SLC26A8: variants seen among roughly 807,000 people sequenced by gnomAD.
SLC26A8 encodes the protein testis anion transporter 1.
SLC26A8 carries 70 observed loss-of-function variants against 105.0 expected under a neutral mutation model. The observed-to-expected ratio is 0.67, with a 90% CI of 0.55 to 0.81. The LOEUF is 0.81. Among genes scored for constraint, SLC26A8 ranks in the 40% least tolerant of loss-of-function variants. The pLI is 0.00. For missense variants in SLC26A8, 998 were observed against 1,181.8 expected, an observed-to-expected ratio of 0.84 and a Z score of 2.28; for synonymous variants, 415 against 438.3, an observed-to-expected ratio of 0.95 and a Z score of 0.66.
At chr6:35,978,381 T>G (rs753099083) in intron 8 of SLC26A8, among the ~76,000 whole-genome samples, 6 of 152,088 alleles carry the variant, frequency 3.9e-5, no homozygotes, top group Non-Finnish European at 5.9e-5. Context: ...TATAGATCCA[T>G]ACTGGCATAA....
At chr6:35,974,377 C>A (rs1030110016) in intron 10 of SLC26A8, among the ~76,000 whole-genome samples, 3 of 152,116 alleles carry the variant, frequency 2.0e-5, no homozygotes, top group African/African-American at 7.2e-5. Flanking sequence ...AAATCTCATG[C>A]CTGCAATTAG....
intron 3 of SLC26A8, among the ~76,000 whole-genome samples, chr6:36,001,049 G>GT (rs1290884994): frequency 5.3e-5 from 8 of 152,126 alleles, no homozygotes. Flanking sequence ...TCCACTCAGT[G>GT]TTCAAATTTC....
intron 9 of SLC26A8, among the ~76,000 whole-genome samples, chr6:35,976,568 T>TTTTTTTTTTG (rs1773040839): frequency 6.7e-6 from 1 of 149,898 alleles, no homozygotes; most frequent in African/African-American, 2.5e-5. Context: ...TTTTTTTTTT[T>TTTTTTTTTTG]GAGATGGAGT....
intron 10 of SLC26A8, 108 bp downstream of exon 10, chr6:35,975,267 A>G: frequency 1.9e-6 from 1 of 532,354 alleles, no homozygotes; most frequent in Non-Finnish European, 3.2e-6. Flanking sequence ...TAAGCATAGC[A>G]TTAAAACAGC....
At chr6:35,971,194 C>T (rs972547268) in intron 10 of SLC26A8, among the ~76,000 whole-genome samples, 30 of 152,192 alleles carry the variant, frequency 2.0e-4, no homozygotes, top group African/African-American at 7.2e-4. Flanking sequence ...GATCAGAGGA[C>T]CATCTTCTGT....
chr6:35,965,571 A>G (rs1208362260), intron 11 of SLC26A8, among the ~76,000 whole-genome samples: 1 of 151,756 alleles, frequency 6.6e-6, no homozygotes, highest in Non-Finnish European at 1.5e-5. Flanking sequence ...AATCCCAGCT[A>G]CTTGGGAGGC....
At chr6:35,998,991 T>G (rs899568229) in intron 4 of SLC26A8, among the ~76,000 whole-genome samples, 1 of 151,868 alleles carries the variant, frequency 6.6e-6, no homozygotes, top group Non-Finnish European at 1.5e-5. Context: ...ACCTCCCGGG[T>G]TCAGGCAATT....
chr6:36,008,534 A>C (rs1444624054), intron 3 of SLC26A8, among the ~76,000 whole-genome samples: 1 of 152,188 alleles, frequency 6.6e-6, no homozygotes, highest in Non-Finnish European at 1.5e-5. Context: ...AGATACTAAA[A>C]ACGAGCCTAT....
chr6:35,954,951 G>C (rs933492312), intron 17 of SLC26A8: 2 of 596,054 alleles, frequency 3.4e-6, no homozygotes, highest in Non-Finnish European at 5.8e-6. Context: ...TCTCAAAAAA[G>C]AAAAAAGAAA....
chr6:35,955,054 A>G (rs1292192337), intron 17 of SLC26A8, 98 bp downstream of exon 17: 3 of 1,445,850 alleles, frequency 2.1e-6, no homozygotes, highest in Non-Finnish European at 2.9e-6. Context: ...GTCTCATAGC[A>G]GCTGATCAGT....
At chr6:36,013,997 C>T (rs1470291296) in intron 2 of SLC26A8, among the ~76,000 whole-genome samples, 1 of 152,214 alleles carries the variant, frequency 6.6e-6, no homozygotes, top group Non-Finnish European at 1.5e-5. Flanking sequence ...AGCCACTCTC[C>T]TGCCTCCAAA....
chr6:35,968,605 GTGTGTATATATATATATATATATA>G (rs1294714022), intron 11 of SLC26A8, among the ~76,000 whole-genome samples: 220 of 53,860 alleles, frequency 4.1e-3, no homozygotes, highest in African/African-American at 0.017. Context: ...GTGTGTGTGT[GTGTGTATATATATATATATATATA>G]TATATATATA....
intron 1 of SLC26A8, among the ~76,000 whole-genome samples, chr6:36,020,654 T>A (rs1322822898): frequency 6.6e-6 from 1 of 152,066 alleles, no homozygotes; most frequent in African/African-American, 2.4e-5. Context: ...CCTGCTTTTT[T>A]AAAAGATTGA....
In SLC26A8 at chr6:35,983,718, A is replaced by AT. The variant is rs971447087; in HGVS notation, c.943-1516dup. Among the ~76,000 whole-genome samples, 3 of 152,068 alleles carry AT rather than the reference A, an allele frequency of 2.0e-5. No individual in the cohort carries two copies. In the South Asian group the frequency reaches 6.3e-4, roughly 32 times the overall value. Reference sequence around the variant, plus strand: ...AGGCGTGTGCCACCACATCTGGCTAATTTTTTGTATTTTTTTAGTAGAGAT... The same window carrying AT: ...AGGCGTGTGCCACCACATCTGGCTAATTTTTTTGTATTTTTTTAGTAGAGAT... On this transcript the variant is annotated intron_variant, in intron 7 of 19. Transcript: ENST00000490799.
chr6:35,962,531 C>T lies in SLC26A8; in HGVS notation c.1456G>A (p.Asp486Asn). 3 of 1,613,820 alleles carry T rather than the reference C, an allele frequency of 1.9e-6. No individual in the cohort carries two copies. The highest frequency in any genetic ancestry group is 2.5e-6 in the Non-Finnish European group (3 of 1,179,792). ...LPSLWRQDQY[D>N]CALWMMTFSS... ...GCCAGGGCATCTACACTCACACAGT[C>T]ATATTGGTCCTGCCTCCACAGGCTG... The change falls in exon 12 of 20, where the codon GAC (aspartate) becomes AAC (asparagine). Residue 486 changes from aspartate to asparagine, a missense_variant. By Grantham distance (23) the Asp-to-Asn change is conservative. Transcript: ENST00000490799.
chr6:35,955,527 C>T lies in SLC26A8; in HGVS notation c.1864-7G>A, dbSNP rs373274769. ...ATCGCTCTGTGTAAAGAATCTGGGA[C>T]GACAGAGTTAAGGGAGGGCTGTGGT... On this transcript the variant is annotated splice_region_variant and splice_polypyrimidine_tract_variant and intron_variant, in intron 16 of 19. Transcript: ENST00000490799. The T allele has an allele frequency of 7.1e-5, 115 of 1,612,310 alleles. No individual in the cohort carries two copies. The highest frequency in any genetic ancestry group is 1.0e-4 in the Admixed American group (6 of 59,960).
chr6:35,978,152 A>G (rs914493152), intron 8 of SLC26A8, among the ~76,000 whole-genome samples: 1 of 151,724 alleles, frequency 6.6e-6, no homozygotes, highest in African/African-American at 2.4e-5. Flanking sequence ...AGAAGAAAAA[A>G]AAAAAAAAAA....
chr6:35,967,728 C>G (rs1013415876), intron 11 of SLC26A8, among the ~76,000 whole-genome samples: 6 of 152,168 alleles, frequency 3.9e-5, no homozygotes, highest in African/African-American at 1.4e-4. Context: ...CAGTGAGTTT[C>G]CAAGCCCATG....
intron 9 of SLC26A8, 90 bp downstream of exon 9, chr6:35,977,114 C>T: frequency 7.1e-7 from 1 of 1,411,404 alleles, no homozygotes; most frequent in Non-Finnish European, 9.6e-7. Flanking sequence ...AGTGGCTCTT[C>T]AGTTAAAAAA....
Sources: allele counts gnomAD v4.1 joint callset (sites outside exome capture counted in the v4.1 genomes callset), GRCh38; gene constraint gnomAD v4.1.1; transcripts MANE v1.5; gene names NCBI Gene and HGNC (gene_info 2026-07-23, HGNC 2026-07-21).